ZNF256: variants seen among roughly 807,000 people sequenced by gnomAD.
ZNF256 encodes zinc finger protein 256.
ZNF256 carries 4 observed loss-of-function variants against 7.9 expected under a neutral mutation model. The observed-to-expected ratio is 0.50, with a 90% CI of 0.25 to 1.15. ZNF256 has a LOEUF of 1.15. ZNF256 is among the 50% of genes most tolerant of loss of function. The pLI is 0.15. For synonymous variants in ZNF256, 260 were observed against 260.4 expected (o/e 1.00, Z 0.02); for missense variants, 666 against 755.9 (o/e 0.88, Z 1.39).
rs144810556 is a variant in ZNF256, at chr19:57,940,836, T to C, written c.*88A>G. The C allele has an allele frequency of 1.3e-5, 18 of 1,408,574 alleles. No individual in the cohort carries two copies. The highest frequency in any genetic ancestry group is 8.7e-5 in the African/African-American group (6 of 69,274). 87.3% of individuals were successfully genotyped at this position (1,408,574 alleles called of 1,614,324 possible). A position where few individuals can be genotyped will look rare whatever the true frequency, so the allele number is the denominator to read the frequency against. On this transcript the variant is annotated 3_prime_UTR_variant, in exon 3 of 3. Transcript: ENST00000282308. Reference sequence around the variant, plus strand: ...ATATACTAAATATAAAACATGGTTATTGAAAATACGTATTTATTTATTTAT... The same window carrying C: ...ATATACTAAATATAAAACATGGTTACTGAAAATACGTATTTATTTATTTAT...
chr19:57,941,603 A>G lies in ZNF256; in HGVS notation c.1205T>C (p.Ile402Thr), dbSNP rs760637300. 2.3e-5 allele frequency: 37 copies of G among 1,613,240 alleles called. No individual in the cohort carries two copies. Among genetic ancestry groups the G allele is most frequent in the Non-Finnish European group, 3.1e-5 (36 of 1,179,800 alleles). The change falls in exon 3 of 3, where the codon ATT becomes ACT. Residue 402 changes from isoleucine (I) to threonine (T), a missense_variant. Ile to Thr is a moderately conservative substitution (Grantham distance 89). Coordinates refer to ENST00000282308, the MANE Select transcript of ZNF256 (RefSeq NM_005773.3). ...CHLIKHRRLHIGEGPYECSEC... is the reference protein window; with the variant it reads ...CHLIKHRRLHTGEGPYECSEC... ...ACTACACTCATAAGGCCCTTCTCCA[A>G]TGTGAAGTCTCCGGTGTTTAATGAG...
At chr19:57,945,141 C>T (rs1230614937) in intron 1 of ZNF256, among the ~76,000 whole-genome samples, 3 of 151,830 alleles carry the variant, frequency 2.0e-5, no homozygotes, top group East Asian at 3.9e-4. Flanking sequence ...GTGAGCTGCC[C>T]GCCTCGGCCT....
In ZNF256 at chr19:57,941,295, T is replaced by C. The variant is rs147319468; in HGVS notation, c.1513A>G (p.Thr505Ala). Residue 505 changes from threonine (T) to alanine (A), a missense_variant, in exon 3 of 3, where the codon ACG becomes GCG. Coordinates refer to ENST00000282308, the MANE Select transcript of ZNF256 (RefSeq NM_005773.3). ...ECGKSFTHSS[T>A]LLQHQRVHTG... Reference sequence around the variant, plus strand: ...TGAACTCTCTGGTGTTGAAGGAGCGTAGAGCTATGAGTAAATGATTTCCCA... The same window carrying C: ...TGAACTCTCTGGTGTTGAAGGAGCGCAGAGCTATGAGTAAATGATTTCCCA... 1.5e-5 allele frequency: 25 copies of C among 1,613,532 alleles called. No individual in the cohort carries two copies. Among genetic ancestry groups the C allele is most frequent in the East Asian group, 2.2e-5 (1 of 44,816 alleles).
rs376426748 is a variant in ZNF256 at position 57,941,615 on chromosome 19, C to T, written c.1193G>A (p.Arg398Gln). The T allele has an allele frequency of 5.3e-5, 85 of 1,613,800 alleles. No homozygotes were observed. Among genetic ancestry groups the T allele is most frequent in the African/African-American group, 1.9e-4 (14 of 74,898 alleles). Reference sequence around the variant, plus strand: ...AGGCCCTTCTCCAATGTGAAGTCTCCGGTGTTTAATGAGGTGACAGCTCTG... The same window carrying T: ...AGGCCCTTCTCCAATGTGAAGTCTCTGGTGTTTAATGAGGTGACAGCTCTG... Reference protein sequence around the residue: ...FSQSCHLIKHRRLHIGEGPYE... With the variant: ...FSQSCHLIKHQRLHIGEGPYE... The change falls in exon 3 of 3, where the codon CGG (arginine) becomes CAG (glutamine). Residue 398 changes from arginine (R) to glutamine (Q), a missense_variant. Transcript: ENST00000282308.
At chr19:57,945,281 G>C (rs867712579) in intron 1 of ZNF256, among the ~76,000 whole-genome samples, 10 of 152,182 alleles carry the variant, frequency 6.6e-5, no homozygotes, top group African/African-American at 2.4e-4. Flanking sequence ...TAGTACTCCA[G>C]AAAAGAGTAA....
chr19:57,946,396 A>C (rs899618526), intron 1 of ZNF256, among the ~76,000 whole-genome samples: 1 of 151,884 alleles, frequency 6.6e-6, no homozygotes, highest in African/African-American at 2.4e-5. Flanking sequence ...TCCTATTGCC[A>C]ATTTGTTCAT....
At position 57,940,918 on chromosome 19, in the gene ZNF256, T is replaced by C. The variant is rs1259146427; in HGVS notation, c.*6A>G. The C allele has an allele frequency of 6.2e-7, 1 of 1,609,460 alleles. No individual in the cohort carries two copies. Among genetic ancestry groups the C allele is most frequent in the Non-Finnish European group, 8.5e-7 (1 of 1,176,486 alleles). Reference sequence around the variant, plus strand: ...CCGTAACAGCCCTATGTGTGTTACCTAACCTTTATCCCTTGTGAACGTTCT... The same window carrying C: ...CCGTAACAGCCCTATGTGTGTTACCCAACCTTTATCCCTTGTGAACGTTCT... On this transcript the variant is annotated 3_prime_UTR_variant, in exon 3 of 3. Coordinates refer to ENST00000282308, the MANE Select transcript of ZNF256 (RefSeq NM_005773.3).
In ZNF256 at chr19:57,941,456, A is replaced by G. The variant is rs145028458; in HGVS notation, c.1352T>C (p.Ile451Thr). The G allele has an allele frequency of 6.2e-7, 1 of 1,614,116 alleles. No individual in the cohort carries two copies. Among genetic ancestry groups the G allele is most frequent in the South Asian group, 1.1e-5 (1 of 91,086 alleles). Residue 451 changes from isoleucine to threonine, a missense_variant, in exon 3 of 3, where the codon ATT becomes ACT. Ile to Thr is a moderately conservative substitution (Grantham distance 89). Coordinates refer to ENST00000282308, the MANE Select transcript of ZNF256 (RefSeq NM_005773.3). Reference protein sequence around the residue: ...GKLFSRKFDLIVHERVHTGER... With the variant: ...GKLFSRKFDLTVHERVHTGER... ...TCCTGTGTGAACTCTCTCATGTACA[A>G]TGAGGTCAAATTTCCTGCTAAATAA...
At chr19:57,944,988 T>C (rs1177418804) in intron 1 of ZNF256, among the ~76,000 whole-genome samples, 1 of 151,282 alleles carries the variant, frequency 6.6e-6, no homozygotes, top group Non-Finnish European at 1.5e-5. Flanking sequence ...CTCCACCTCC[T>C]GGGTTCATGC....
rs372350050 is a variant in ZNF256 at position 57,941,516 on chromosome 19, C to G, written c.1292G>C (p.Gly431Ala). The stretch of plus-strand genomic sequence containing the variant: ...TTCATGACATTCATGAGATCTTACT[C>G]CAGTATGAACTCTCTGGTGTTGGAA... Reference protein sequence around the residue: ...RFFQHQRVHTGVRSHECHECG... With the variant: ...RFFQHQRVHTAVRSHECHECG... The change falls in exon 3 of 3, where the codon GGA becomes GCA. Residue 431 changes from glycine to alanine, a missense_variant. Coordinates refer to ENST00000282308, the MANE Select transcript of ZNF256 (RefSeq NM_005773.3). 1.4e-5 allele frequency: 23 copies of G among 1,613,946 alleles called. No individual in the cohort carries two copies. Among genetic ancestry groups the G allele is most frequent in the Admixed American group, 1.2e-4 (7 of 59,996 alleles).
At chr19:57,946,003 C>A (rs1242647509) in intron 1 of ZNF256, among the ~76,000 whole-genome samples, 1 of 152,204 alleles carries the variant, frequency 6.6e-6, no homozygotes, top group African/African-American at 2.4e-5. Context: ...GGTGAATAAG[C>A]ACGAGTTTTG....
chr19:57,945,948 C>G (rs3810129), intron 1 of ZNF256, among the ~76,000 whole-genome samples: 56,043 of 152,068 alleles, frequency 0.37, 11,958 homozygotes, highest in African/African-American at 0.58. Flanking sequence ...AATGAAACAC[C>G]CAGGCCCCAT....
chr19:57,942,584 G>A lies in ZNF256; in HGVS notation c.224C>T (p.Ser75Leu). 1.2e-6 allele frequency: 2 copies of A among 1,614,200 alleles called. No homozygotes were observed. Among genetic ancestry groups the A allele is most frequent in the Non-Finnish European group, 8.5e-7 (1 of 1,180,038 alleles). Residue 75 changes from serine to leucine, a missense_variant, in exon 3 of 3, where the codon TCA becomes TTA. Ser to Leu is a moderately radical substitution (Grantham distance 145). Transcript: ENST00000282308. ...YQQSTSPQRV[S>L]QVRIPKALPS... is the part of the protein sequence containing the mutation. ...AAGGGCCTTAGGAATCCTAACCTGT[G>A]ACACCCGCTGTGGAGAAGTGCTCTG...
Position 57,941,018 on chromosome 19 carries a change from T to G in ZNF256, c.1790A>C (p.His597Pro), listed in dbSNP as rs374417524. 1 of 1,614,224 alleles carries G rather than the reference T, an allele frequency of 6.2e-7. No individual in the cohort carries two copies. The highest frequency in any genetic ancestry group is 2.2e-5 in the East Asian group (1 of 44,890). The part of the protein sequence containing the change: ...SSNLTNHQRI[H>P]SGERPYECSD... ...ACACTCATAAGGCCTTTCCCCACTG[T>G]GAATTCGCTGGTGATTAGTGAGGTT... Residue 597 changes from histidine (H) to proline (P), a missense_variant, in exon 3 of 3, where the codon CAC becomes CCC. Coordinates refer to ENST00000282308, the MANE Select transcript of ZNF256 (RefSeq NM_005773.3).
intron 2 of ZNF256, among the ~76,000 whole-genome samples, chr19:57,943,141 G>C (rs2072742079): frequency 6.6e-6 from 1 of 152,216 alleles, no homozygotes; most frequent in South Asian, 2.1e-4. Flanking sequence ...CTGGAAGTAA[G>C]AGACGTAGTA....
In ZNF256 at chr19:57,944,837, C is replaced by CA. The variant is rs200054507; in HGVS notation, c.34-778dup. Among the ~76,000 whole-genome samples the CA allele has an allele frequency of 4.4e-4, 65 of 147,702 alleles. 1 individual carries two copies. Among genetic ancestry groups the CA allele is most frequent in the African/African-American group, 1.4e-3 (55 of 40,338 alleles). ...CACAGCGAGACTGCGTCTCAAAGAACAAAAAAAAAGAGTGGATAACCAACA... is the reference window on the plus strand; with the variant it reads ...CACAGCGAGACTGCGTCTCAAAGAACAAAAAAAAAAGAGTGGATAACCAACA... On this transcript the variant is annotated intron_variant, in intron 1 of 2. Transcript: ENST00000282308.
At position 57,941,650 on chromosome 19, in the gene ZNF256, T is replaced by C; in HGVS notation, c.1158A>G (p.Lys386=). The change falls in exon 3 of 3, where the codon AAA becomes AAG. Residue 386 remains lysine, a synonymous_variant. Transcript: ENST00000282308. The stretch of plus-strand genomic sequence containing the variant: ...TGAGGTGACAGCTCTGGCTAAAGGA[T>C]TTCCCACATTCACTGCACATATAAG... ...TRPYMCSECG[K]SFSQSCHLIK... is the part of the protein sequence containing the mutation. The C allele has an allele frequency of 1.2e-6, 2 of 1,613,776 alleles. No individual in the cohort carries two copies. Among genetic ancestry groups the C allele is most frequent in the Non-Finnish European group, 1.7e-6 (2 of 1,179,906 alleles).
rs763845454 is a variant in ZNF256 at position 57,941,875 on chromosome 19, A to G, written c.933T>C (p.Leu311=). 5 of 1,614,226 alleles carry G rather than the reference A, an allele frequency of 3.1e-6. No homozygotes were observed. The East Asian group carries it at 8.9e-5, about 29-fold the overall frequency. The change falls in exon 3 of 3, where the codon CTT becomes CTC. Residue 311 remains leucine, a synonymous_variant. Coordinates refer to ENST00000282308, the MANE Select transcript of ZNF256 (RefSeq NM_005773.3). ...CTCCAGTATGAACTCTCTGATGTATAAGAAGGTCATACTTCCTGTTAAATA... is the reference window on the plus strand; with the variant it reads ...CTCCAGTATGAACTCTCTGATGTATGAGAAGGTCATACTTCCTGTTAAATA... ...GKLFNRKYDL[L]IHQRVHTGER...
intron 2 of ZNF256, 105 bp downstream of exon 2, chr19:57,943,829 C>A (rs1237836194): frequency 6.8e-7 from 1 of 1,468,628 alleles, no homozygotes; most frequent in Non-Finnish European, 9.2e-7. Context: ...TGCCCAGGAA[C>A]AGGAAGCTGT....
Sources: allele counts gnomAD v4.1 joint callset (sites outside exome capture counted in the v4.1 genomes callset), GRCh38; gene constraint gnomAD v4.1.1; transcripts MANE v1.5; gene names NCBI Gene and HGNC (gene_info 2026-07-23, HGNC 2026-07-21).